The following TSC1 variants were observed in gnomAD, a reference collection of about 807,000 sequenced individuals.
TSC1 encodes TSC complex subunit 1, also known as hamartin.
Under a neutral mutation model 124.3 loss-of-function variants are expected in TSC1, and 20 were observed. The observed-to-expected ratio is 0.16, with a 90% CI of 0.11 to 0.23. The LOEUF (loss-of-function observed/expected upper bound fraction) is 0.23. Among genes scored for constraint, TSC1 ranks in the 10% least tolerant of loss-of-function variants. TSC1 has a pLI of 1.00. For synonymous variants in TSC1, 493 were observed against 539.1 expected (o/e 0.91, Z 1.19); for missense variants, 1,124 against 1,448.5 (o/e 0.78, Z 3.64).
rs1845060154 is a variant in TSC1, at chr9:132,896,516, C to T, written c.3214G>A (p.Ala1072Thr). 1 of 1,614,230 alleles carries T rather than the reference C, an allele frequency of 6.2e-7. No individual in the cohort carries two copies. Among genetic ancestry groups the T allele is most frequent in the Non-Finnish European group, 8.5e-7 (1 of 1,180,054 alleles). Residue 1072 changes from alanine (A) to threonine (T), a missense_variant, in exon 23 of 23, where the codon GCC becomes ACC. Physicochemically the swap from Ala to Thr is moderately conservative, Grantham distance 58. Around this residue, in one of 5 missense-constraint regions of TSC1, gnomAD observed 325 missense variants for 383.4 expected, o/e 0.85. Coordinates refer to ENST00000298552, the MANE Select transcript of TSC1 (RefSeq NM_000368.5). The surrounding 1 kb of genome is among the most constrained non-coding windows in gnomAD (Gnocchi z 4.5). ...GAGCCCACAGTGGTGGGGATGCTGG[C>T]AGACGCTTCTCCCATAGTCGTCTCC... The part of the protein sequence containing the change: ...RWETTMGEAS[A>T]SIPTTVGSLP...
chr9:132,900,106 A>C, intron 20 of TSC1: 1 of 157,832 alleles, frequency 6.3e-6, no homozygotes, highest in East Asian at 1.9e-4. Flanking sequence ...ACCCAAAAAG[A>C]AGGCCCATGT....
Position 132,923,281 on chromosome 9 carries a change from G to A in TSC1, c.508+67C>T, listed in dbSNP as rs1324197741. On this transcript the variant is annotated intron_variant, in intron 6 of 22. Coordinates refer to ENST00000298552, the MANE Select transcript of TSC1 (RefSeq NM_000368.5). The surrounding 1 kb of genome is among the most constrained non-coding windows in gnomAD (Gnocchi z 4.2). The stretch of plus-strand genomic sequence containing the variant: ...TACATGTCCATTCCTTACAGCATAT[G>A]AGCAATTAATCAATAATGAAAGCAT... The A allele has an allele frequency of 5.6e-6, 9 of 1,594,364 alleles. No individual in the cohort carries two copies. The East Asian group carries it at 1.8e-4, about 32-fold the overall frequency.
intron 5 of TSC1, among the ~76,000 whole-genome samples, chr9:132,924,454 T>C (rs1170684805): frequency 1.3e-5 from 2 of 152,192 alleles, no homozygotes; most frequent in African/African-American, 4.8e-5. Context: ...TATATAATGA[T>C]TCTCAGCAGA....
At chr9:132,933,193 G>A (rs1847289833) in intron 2 of TSC1, among the ~76,000 whole-genome samples, 1 of 152,168 alleles carries the variant, frequency 6.6e-6, no homozygotes, top group African/African-American at 2.4e-5. Context: ...AGCCTCCCGA[G>A]TAGCTGAGAT....
chr9:132,904,599 A>G, intron 15 of TSC1, 145 bp from the exon 16 acceptor site: 2 of 816,566 alleles, frequency 2.4e-6, no homozygotes, highest in East Asian at 2.7e-5. Flanking sequence ...CCAGGTCCAC[A>G]GAGAGTTAGA....
chr9:132,924,839 C>A (rs1357058643), intron 5 of TSC1: 3 of 152,162 alleles, frequency 2.0e-5, no homozygotes, highest in Admixed American at 6.5e-5. Flanking sequence ...AAAGAGTTAC[C>A]CTTCTTGGCA....
intron 1 of TSC1, among the ~76,000 whole-genome samples, chr9:132,937,699 G>T (rs1847534053): frequency 6.6e-6 from 1 of 152,088 alleles, no homozygotes; most frequent in African/African-American, 2.4e-5. Context: ...TTTGTTGTTG[G>T]TGGTTGGTTT....
chr9:132,933,421 G>T (rs1457742127), intron 2 of TSC1, among the ~76,000 whole-genome samples: 2 of 151,394 alleles, frequency 1.3e-5, no homozygotes, highest in Non-Finnish European at 2.9e-5. Flanking sequence ...CATGAAAAAA[G>T]AAAAATGCTA....
At position 132,904,442 on chromosome 9, in the gene TSC1, G is replaced by T; in HGVS notation, c.2010C>A (p.Pro670=). Residue 670 remains proline (P), a synonymous_variant, in exon 16 of 23, where the codon CCC becomes CCA. Coordinates refer to ENST00000298552, the MANE Select transcript of TSC1 (RefSeq NM_000368.5). The part of the protein sequence containing the change: ...HSKELNKLPL[P]SKSVDWTHFG... The stretch of plus-strand genomic sequence containing the variant: ...AGTGGGTCCAGTCGACAGACTTGCT[G>T]GGTAAAGGCAACCTAGGAAGAAAGT... 6.2e-7 allele frequency: 1 copy of T among 1,614,036 alleles called. No individual in the cohort carries two copies. Among genetic ancestry groups the T allele is most frequent in the South Asian group, 1.1e-5 (1 of 91,074 alleles).
chr9:132,905,615 G>A lies in TSC1; in HGVS notation c.1963C>T (p.Gln655Ter), dbSNP rs118203606. 1 of 1,614,200 alleles carries A rather than the reference G, an allele frequency of 6.2e-7. No individual in the cohort carries two copies. Among genetic ancestry groups the A allele is most frequent in the East Asian group, 2.2e-5 (1 of 44,890 alleles). ...TCCTTGCTGTGCGCGTCTGCTCCCT[G>A]CTGTATCAGTCTGTCCAGCACTTCC... ...PMEVLDRLIQQGADAHSKELN... is the reference protein window; with the variant it reads ...PMEVLDRLIQ The change falls in exon 15 of 23, where the codon CAG becomes TAG. Residue 655 changes from glutamine (Q) to a stop codon, truncating the protein, a stop_gained. Coordinates refer to ENST00000298552, the MANE Select transcript of TSC1 (RefSeq NM_000368.5). LOFTEE classifies it high-confidence loss of function.
intron 20 of TSC1, chr9:132,900,232 T>C (rs1845296125): frequency 5.5e-6 from 1 of 180,640 alleles, no homozygotes; most frequent in Non-Finnish European, 1.2e-5. Context: ...AACTTCTGCC[T>C]CGACACCACT....
At chr9:132,922,036 G>A (rs2132165549) in intron 6 of TSC1, 63 bp from the exon 7 acceptor site, 3 of 1,604,886 alleles carry the variant, frequency 1.9e-6, no homozygotes, top group Non-Finnish European at 1.7e-6. Flanking sequence ...GTGCAAAACA[G>A]CTATAAACAA....
At chr9:132,928,622 T>G in intron 3 of TSC1, 145 bp downstream of exon 3, 1 of 1,009,954 alleles carries the variant, frequency 9.9e-7, no homozygotes, top group Non-Finnish European at 1.4e-6. Context: ...AATTGAAAGT[T>G]TAAAACACAT....
chr9:132,907,462 G>A, intron 12 of TSC1, 92 bp from the exon 13 acceptor site: 4 of 990,656 alleles, frequency 4.0e-6, no homozygotes, highest in South Asian at 3.9e-5. Flanking sequence ...TCAGCCGAGT[G>A]CAGTGATTCT....
intron 5 of TSC1, among the ~76,000 whole-genome samples, chr9:132,924,204 C>T (rs767109189): frequency 4.6e-5 from 7 of 152,110 alleles, no homozygotes; most frequent in Non-Finnish European, 8.8e-5. Flanking sequence ...TCACCTGACC[C>T]ATAATTAAAT....
Position 132,921,781 on chromosome 9 carries a change from T to C in TSC1, c.663+38A>G. ...GTATAAATGCAGCCTATCTAAACAGTATACTAAGTAGCAAACAAACAAGCA... is the reference window on the plus strand; with the variant it reads ...GTATAAATGCAGCCTATCTAAACAGCATACTAAGTAGCAAACAAACAAGCA... On this transcript the variant is annotated intron_variant, in intron 7 of 22. Coordinates refer to ENST00000298552, the MANE Select transcript of TSC1 (RefSeq NM_000368.5). The surrounding 1 kb of genome is among the most constrained non-coding windows in gnomAD (Gnocchi z 4.3). The C allele has an allele frequency of 6.2e-7, 1 of 1,610,746 alleles. No individual in the cohort carries two copies. Among genetic ancestry groups the C allele is most frequent in the Non-Finnish European group, 8.5e-7 (1 of 1,178,766 alleles).
Position 132,921,417 on chromosome 9 carries a change from C to T in TSC1, c.683G>A (p.Arg228Gln), listed in dbSNP as rs1223799508. ...TCCAGTCACTAATTCCGGATGAATTCGCACATGCTCCATCATTGGCTAGAA... is the reference window on the plus strand; with the variant it reads ...TCCAGTCACTAATTCCGGATGAATTTGCACATGCTCCATCATTGGCTAGAA... ...EVVKPMMEHV[R>Q]IHPELVTGSK... Residue 228 changes from arginine (R) to glutamine (Q), a missense_variant, in exon 8 of 23, where the codon CGA becomes CAA. Transcript: ENST00000298552. The surrounding 1 kb of genome is among the most constrained non-coding windows in gnomAD (Gnocchi z 4.3). 2 of 1,614,126 alleles carry T rather than the reference C, an allele frequency of 1.2e-6. No homozygotes were observed. Among genetic ancestry groups the T allele is most frequent in the Non-Finnish European group, 8.5e-7 (1 of 1,180,004 alleles).
chr9:132,925,943 A>T, intron 4 of TSC1: 1 of 640,328 alleles, frequency 1.6e-6, no homozygotes, highest in Non-Finnish European at 2.7e-6. Flanking sequence ...AAAGGCAGCC[A>T]GTTTGCAGCT....
In TSC1 at chr9:132,921,937, G is replaced by T. The variant is rs2132159356; in HGVS notation, c.545C>A (p.Ala182Asp). 6.2e-7 allele frequency: 1 copy of T among 1,614,184 alleles called. No homozygotes were observed. The highest frequency in any genetic ancestry group is 8.5e-7 in the Non-Finnish European group (1 of 1,180,020). The change falls in exon 7 of 23, where the codon GCC becomes GAC. Residue 182 changes from alanine (A) to aspartate (D), a missense_variant. This residue lies in a region of TSC1 where 463 missense variants were observed against 606.8 expected (regional missense o/e 0.76). Transcript: ENST00000298552. This position sits in a 1 kb window ranked among gnomAD's most constrained non-coding sequence, Gnocchi z 4.3. ...GCGATGAAAGAGTGCGTACACACTG[G>T]CATGGAGATGGACGAGATAGACTTC... ...VAEVYLVHLH[A>D]SVYALFHRLY...
Sources: allele counts gnomAD v4.1 joint callset (sites outside exome capture counted in the v4.1 genomes callset), GRCh38; gene constraint gnomAD v4.1.1; regional missense constraint gnomAD v4.1.1; non-coding constraint Gnocchi (gnomAD v3.1); transcripts MANE v1.5; gene names NCBI Gene and HGNC (gene_info 2026-07-23, HGNC 2026-07-21).